The following SSR4 variants were observed in gnomAD, a reference collection of about 807,000 sequenced individuals.
SSR4 encodes the protein signal sequence receptor subunit 4.
For synonymous variants in SSR4, 84 were observed against 65.6 expected (o/e 1.28, Z -1.35); for missense variants, 125 against 148.8 (o/e 0.84, Z 0.83).
chrX:153,794,282 C>T (rs781954273), upstream of SSR4: 4 of 1,199,731 alleles, frequency 3.3e-6, no homozygotes, highest in East Asian at 9.0e-5. Flanking sequence ...GCCCGAGCAC[C>T]GCCTTCGCGG....
chrX:153,797,555 G>C (rs370604228), intron 3 of SSR4, 23 bp downstream of exon 3: 3 of 1,193,162 alleles, frequency 2.5e-6, no homozygotes, highest in South Asian at 1.8e-5. Context: ...TGGTTCCCTT[G>C]CTAGGGGGCT....
intron 1 of SSR4, chrX:153,795,913 C>T (rs1441334315): frequency 2.9e-6 from 2 of 699,976 alleles, no homozygotes; most frequent in Non-Finnish European, 3.4e-6. Context: ...GAGTCTCTCC[C>T]GTTTACTTCT....
intron 2 of SSR4, 111 bp downstream of exon 2, chrX:153,796,663 G>A: frequency 4.9e-6 from 3 of 615,142 alleles, no homozygotes; most frequent in South Asian, 2.5e-5. Flanking sequence ...CTCTTGGGGT[G>A]CCGGAGAGAT....
rs1557073010 is a variant in SSR4 at position 153,797,763 on chromosome X, C to T, written c.300C>T (p.Gly100=). 2 of 1,210,763 alleles carry T rather than the reference C, an allele frequency of 1.7e-6. No homozygotes were observed. The highest frequency in any genetic ancestry group is 2.2e-6 in the Non-Finnish European group (2 of 895,130). The change falls in exon 4 of 6, where the codon GGC becomes GGT. Residue 100 remains glycine (G), a synonymous_variant. Coordinates refer to ENST00000370086, the MANE Select transcript of SSR4 (RefSeq NM_006280.3). ...WSLDHKSAHA[G]TYEVRFFDEE... is the part of the protein sequence containing the mutation. ...TGGACCACAAGAGCGCCCACGCAGGCACCTATGAGGTTAGATTCTTCGACG... is the reference window on the plus strand; with the variant it reads ...TGGACCACAAGAGCGCCCACGCAGGTACCTATGAGGTTAGATTCTTCGACG...
At chrX:153,798,023 A>G in intron 4 of SSR4, 48 bp from the exon 5 acceptor site, 1 of 526,580 alleles carries the variant, frequency 1.9e-6, no homozygotes, top group Non-Finnish European at 2.8e-6. Context: ...CCACCCCCAC[A>G]CGCCAGGCAC....
In SSR4 at chrX:153,797,453, C is replaced by T; in HGVS notation, c.187-5C>T. 8.3e-7 allele frequency: 1 copy of T among 1,210,077 alleles called. No homozygotes were observed. The highest frequency in any genetic ancestry group is 1.7e-5 in the African/African-American group (1 of 57,929). Reference sequence around the variant, plus strand: ...AGGTGACCCTGCCTTTGTTCCCTCACCCAGAACATGGCTCTCTATGCTGAC... The same window carrying T: ...AGGTGACCCTGCCTTTGTTCCCTCATCCAGAACATGGCTCTCTATGCTGAC... On this transcript the variant is annotated splice_polypyrimidine_tract_variant and splice_region_variant and intron_variant, in intron 2 of 5. Coordinates refer to ENST00000370086, the MANE Select transcript of SSR4 (RefSeq NM_006280.3).
chrX:153,794,186 G>C (rs782216521), upstream of SSR4: 108 of 1,116,516 alleles, frequency 9.7e-5, 1 homozygote, highest in Middle Eastern at 1.2e-3. Flanking sequence ...CTTCGGGTGC[G>C]GCTACCCCAC....
chrX:153,795,048 G>A (rs933574934), intron 1 of SSR4: 9 of 365,195 alleles, frequency 2.5e-5, no homozygotes, highest in Non-Finnish European at 3.4e-5. Context: ...CCCGCTCCCT[G>A]CGGGGTCGGA....
chrX:153,797,809 A>G lies in SSR4; in HGVS notation c.346A>G (p.Arg116Gly). The change falls in exon 4 of 6, where the codon AGG (arginine) becomes GGG (glycine). Residue 116 changes from arginine to glycine, a missense_variant. Arg to Gly is a moderately radical substitution (Grantham distance 125, BLOSUM62 -2). Coordinates refer to ENST00000370086, the MANE Select transcript of SSR4 (RefSeq NM_006280.3). ...FFDEESYSLL[R>G]KAQRNNEDIS... Reference sequence around the variant, plus strand: ...CGACGAGGAGTCCTACAGCCTCCTCAGGAAGGTGAGGACTCCTGTAGCCCA... The same window carrying G: ...CGACGAGGAGTCCTACAGCCTCCTCGGGAAGGTGAGGACTCCTGTAGCCCA... 1 of 1,192,247 alleles carries G rather than the reference A, an allele frequency of 8.4e-7. No individual in the cohort carries two copies. The highest frequency in any genetic ancestry group is 1.1e-6 in the Non-Finnish European group (1 of 881,920).
upstream of SSR4, chrX:153,794,579 C>G: frequency 1.7e-6 from 2 of 1,184,875 alleles, no homozygotes; most frequent in Non-Finnish European, 2.3e-6. Flanking sequence ...GCCGGCCCAG[C>G]CGTTCGGTGC....
Position 153,797,477 on chromosome X carries a change from A to G in SSR4, c.206A>G (p.Asp69Gly). Residue 69 changes from aspartate to glycine, a missense_variant, in exon 3 of 6, where the codon GAC (aspartate) becomes GGC (glycine). Transcript: ENST00000370086. ...NRVQNMALYADVGGKQFPVTR... is the reference protein window; with the variant it reads ...NRVQNMALYAGVGGKQFPVTR... ...ACCCAGAACATGGCTCTCTATGCTG[A>G]CGTCGGTGGAAAACAATTCCCTGTC... 1 of 1,211,378 alleles carries G rather than the reference A, an allele frequency of 8.3e-7. No homozygotes were observed. The highest frequency in any genetic ancestry group is 1.1e-6 in the Non-Finnish European group (1 of 895,169).
rs782011695 is a variant in SSR4, at chrX:153,794,699, G to C, written c.12G>C (p.Met4Ile). Residue 4 changes from methionine (M) to isoleucine (I), a missense_variant, in exon 1 of 6, where the codon ATG becomes ATC. Transcript: ENST00000370086. Reference protein sequence around the residue: MAAMASLGALALLL... With the variant: MAAIASLGALALLL... ...GCAGAGAAGAGGCGATGGCGGCGAT[G>C]GCATCTCTCGGCGCCCTGGCGCTGC... The C allele has an allele frequency of 8.2e-7, 1 of 1,212,257 alleles. No homozygotes were observed. The highest frequency in any genetic ancestry group is 1.1e-6 in the Non-Finnish European group (1 of 895,512).
At chrX:153,797,880 G>A (rs2092151610) in intron 4 of SSR4, 66 bp downstream of exon 4, 1 of 989,762 alleles carries the variant, frequency 1.0e-6, no homozygotes, top group African/African-American at 1.9e-5. Context: ...GGGTTGGGAG[G>A]TGCTGGCAGC....
chrX:153,798,389 A>G lies in SSR4; in HGVS notation c.478A>G (p.Ile160Val). ...GCTGGCTGCGGCGATCGGCCTTGTG[A>G]TCTACTACTTGGCCTTCAGTGCGAA... is the stretch of plus-strand genomic sequence containing the variant. ...EVLAAAIGLVIYYLAFSAKSH... is the reference protein window; with the variant it reads ...EVLAAAIGLVVYYLAFSAKSH... The change falls in exon 6 of 6, where the codon ATC becomes GTC. Residue 160 changes from isoleucine to valine, a missense_variant. Coordinates refer to ENST00000370086, the MANE Select transcript of SSR4 (RefSeq NM_006280.3). 8.3e-7 allele frequency: 1 copy of G among 1,202,691 alleles called. No individual in the cohort carries two copies. The highest frequency in any genetic ancestry group is 1.1e-6 in the Non-Finnish European group (1 of 891,066).
At position 153,796,429 on chromosome X, in the gene SSR4, C is replaced by T. The variant is rs782262585; in HGVS notation, c.68-5C>T. On this transcript the variant is annotated splice_polypyrimidine_tract_variant and splice_region_variant and intron_variant, in intron 1 of 5. Coordinates refer to ENST00000370086, the MANE Select transcript of SSR4 (RefSeq NM_006280.3). ...TACCCAGGCATCTCTCCCTCTTCCC[C>T]GCAGCCGAGGCCTGCCTGGAGCCCC... is the stretch of plus-strand genomic sequence containing the variant. The T allele has an allele frequency of 1.5e-5, 18 of 1,189,127 alleles. No homozygotes were observed. The South Asian group carries it at 2.1e-4, about 14-fold the overall frequency.
intron 1 of SSR4, 26 bp downstream of exon 1, chrX:153,794,780 C>G (rs1557071791): frequency 8.3e-7 from 1 of 1,204,182 alleles, no homozygotes; most frequent in Admixed American, 2.2e-5. Flanking sequence ...GGGCTTCTTT[C>G]TTGCGAGCCT....
intron 1 of SSR4, 59 bp from the exon 2 acceptor site, chrX:153,796,375 C>A (rs1218512056): frequency 3.4e-6 from 3 of 875,418 alleles, no homozygotes; most frequent in East Asian, 3.1e-5. Context: ...GGCCATCCTG[C>A]CCTCAGACCG....
chrX:153,798,251 C>T (rs1449046477), intron 5 of SSR4, 78 bp from the exon 6 acceptor site: 1 of 1,182,346 alleles, frequency 8.5e-7, no homozygotes, highest in Non-Finnish European at 1.1e-6. Flanking sequence ...CTTGGTTCCC[C>T]TGGCGGAAGG....
intron 2 of SSR4, chrX:153,796,769 C>A: frequency 2.6e-6 from 1 of 389,817 alleles, no homozygotes; most frequent in Non-Finnish European, 4.5e-6. Flanking sequence ...CCTGGGCTCA[C>A]CACCCGCTGT....
Sources: allele counts gnomAD v4.1 joint callset, GRCh38; gene constraint gnomAD v4.1.1; transcripts MANE v1.5; gene names NCBI Gene and HGNC (gene_info 2026-07-23, HGNC 2026-07-21).